The following COL26A1 variants were observed in gnomAD, a reference collection of about 807,000 sequenced individuals.
COL26A1 encodes the protein collagen alpha-1(XXVI) chain.
A neutral mutation model predicts 59.3 loss-of-function variants in COL26A1; 41 were observed. The observed-to-expected ratio is 0.69, with a 90% confidence interval of 0.54 to 0.90. The LOEUF (loss-of-function observed/expected upper bound fraction) is 0.90, where lower values mean the gene tolerates loss of function less well. Ranked by LOEUF, COL26A1 falls within the 40% of genes least tolerant of loss-of-function variation. The pLI, the probability that COL26A1 is intolerant of heterozygous loss-of-function variation, is 0.00. For synonymous variants in COL26A1, 266 were observed against 256.0 expected, an observed-to-expected ratio of 1.04 and a Z score of -0.37; for missense variants, 612 against 602.3, an observed-to-expected ratio of 1.02 and a Z score of -0.17.
chr7:101,417,653 CATAGAT>C (rs1247469748), intron 1 of COL26A1, among the ~76,000 whole-genome samples: 2 of 37,648 alleles, frequency 5.3e-5, no homozygotes, highest in African/African-American at 8.9e-5. Context: ...TATATCTAGA[CATAGAT>C]ATAGAGATAT....
intron 1 of COL26A1, among the ~76,000 whole-genome samples, chr7:101,398,649 G>A (rs1318068267): frequency 3.3e-5 from 5 of 152,192 alleles, no homozygotes; most frequent in Non-Finnish European, 5.9e-5. Flanking sequence ...TTTGCACCAA[G>A]GGCAAATGTG....
intron 3 of COL26A1, among the ~76,000 whole-genome samples, chr7:101,495,141 G>A (rs769937739): frequency 6.6e-5 from 10 of 152,160 alleles, no homozygotes; most frequent in Non-Finnish European, 1.2e-4. Flanking sequence ...CAGGGGGATC[G>A]GTGCCCCCCT....
chr7:101,382,189 C>G (rs1257783822), intron 1 of COL26A1, among the ~76,000 whole-genome samples: 1 of 152,090 alleles, frequency 6.6e-6, no homozygotes, highest in Non-Finnish European at 1.5e-5. Context: ...GCTGGGACTG[C>G]AGGTGCATGC....
intron 3 of COL26A1, among the ~76,000 whole-genome samples, chr7:101,526,183 G>A (rs1160086226): frequency 1.3e-5 from 2 of 151,872 alleles, no homozygotes; most frequent in Non-Finnish European, 2.9e-5. Flanking sequence ...CGAGTAGTTG[G>A]GATTACAGGT....
chr7:101,390,694 A>G (rs1457382404), intron 1 of COL26A1, among the ~76,000 whole-genome samples: 1 of 152,162 alleles, frequency 6.6e-6, no homozygotes, highest in Non-Finnish European at 1.5e-5. Flanking sequence ...CAAAGCATTC[A>G]GATTACAGAT....
In COL26A1 at chr7:101,537,979, C is replaced by G. The variant is rs375922769; in HGVS notation, c.448-1914C>G. ...CCCAAGCCTGCCCCTCTCCCGTGCC[C>G]TTGTTCGACTGGGGGCATTTCTACT... On this transcript the variant is annotated intron_variant, in intron 4 of 12. Transcript: ENST00000313669. 5.5e-4 allele frequency among the ~76,000 whole-genome samples: 83 copies of G among 152,200 alleles called. No homozygotes were observed. In the East Asian group the frequency reaches 0.011, roughly 21 times the overall value.
intron 3 of COL26A1, among the ~76,000 whole-genome samples, chr7:101,517,792 C>T (rs1795060089): frequency 6.8e-6 from 1 of 147,950 alleles, no homozygotes; most frequent in Admixed American, 6.8e-5. Flanking sequence ...CTTCCCTTCT[C>T]CCCGCATTTT....
At chr7:101,542,559 C>T (rs1378945068) in intron 5 of COL26A1, among the ~76,000 whole-genome samples, 2 of 152,154 alleles carry the variant, frequency 1.3e-5, no homozygotes, top group Non-Finnish European at 2.9e-5. Flanking sequence ...CCTTAGAGCC[C>T]TTTGGAGGGG....
At chr7:101,448,161 G>A (rs1793246499) in intron 3 of COL26A1, among the ~76,000 whole-genome samples, 1 of 152,242 alleles carries the variant, frequency 6.6e-6, no homozygotes, top group Admixed American at 6.5e-5. Flanking sequence ...AGCAAATGCG[G>A]ATGAGGTCCC....
intron 1 of COL26A1, among the ~76,000 whole-genome samples, chr7:101,364,879 T>C (rs1455656377): frequency 6.6e-6 from 1 of 152,162 alleles, no homozygotes; most frequent in Non-Finnish European, 1.5e-5. Context: ...CCAGATCTGG[T>C]GTTTTCTAGC....
At chr7:101,391,755 A>G (rs1031835997) in intron 1 of COL26A1, among the ~76,000 whole-genome samples, 2 of 152,138 alleles carry the variant, frequency 1.3e-5, no homozygotes, top group African/African-American at 4.8e-5. Flanking sequence ...GGGTATCACC[A>G]TGTCAGTCAG....
chr7:101,556,749 GATGA>G (rs981117421), intron 12 of COL26A1, among the ~76,000 whole-genome samples: 2 of 152,024 alleles, frequency 1.3e-5, no homozygotes, highest in African/African-American at 4.8e-5. Context: ...TAGATGCATG[GATGA>G]ATGAATGAAT....
chr7:101,422,183 G>A (rs1792538291), intron 2 of COL26A1, among the ~76,000 whole-genome samples: 1 of 151,888 alleles, frequency 6.6e-6, no homozygotes, highest in Non-Finnish European at 1.5e-5. Flanking sequence ...GTGGTGGTGG[G>A]CACCTGTGAT....
chr7:101,473,031 A>G (rs1584438828), intron 3 of COL26A1, among the ~76,000 whole-genome samples: 1 of 149,690 alleles, frequency 6.7e-6, no homozygotes, highest in South Asian at 2.1e-4. Flanking sequence ...AATTGCCTAT[A>G]TGTTTATCTT....
intron 2 of COL26A1, among the ~76,000 whole-genome samples, chr7:101,433,430 G>A (rs1310514513): frequency 1.3e-5 from 2 of 152,248 alleles, no homozygotes; most frequent in African/African-American, 2.4e-5. Flanking sequence ...AGCCTTACAG[G>A]TGGGGCTTAG....
intron 3 of COL26A1, among the ~76,000 whole-genome samples, chr7:101,487,827 A>C (rs1239560914): frequency 6.6e-6 from 1 of 152,100 alleles, no homozygotes; most frequent in Non-Finnish European, 1.5e-5. Flanking sequence ...CCCCACCACA[A>C]CACTGATTTT....
chr7:101,377,627 A>G, intron 1 of COL26A1, among the ~76,000 whole-genome samples: 1 of 151,828 alleles, frequency 6.6e-6, no homozygotes, highest in South Asian at 2.1e-4. Context: ...GGGTCTTGCA[A>G]CGTTGCCCAA....
chr7:101,480,741 G>A (rs973845590), intron 3 of COL26A1, among the ~76,000 whole-genome samples: 6 of 152,248 alleles, frequency 3.9e-5, no homozygotes, highest in South Asian at 4.1e-4. Flanking sequence ...GGGCTCAAGC[G>A]ATCCTCCCGC....
intron 3 of COL26A1, among the ~76,000 whole-genome samples, chr7:101,481,456 AT>A (rs957707548): frequency 5.4e-5 from 8 of 148,752 alleles, no homozygotes. Flanking sequence ...AAATATATAT[AT>A]ATATATATAT....
Sources: allele counts gnomAD v4.1 joint callset (sites outside exome capture counted in the v4.1 genomes callset), GRCh38; gene constraint gnomAD v4.1.1; transcripts MANE v1.5; gene names NCBI Gene and HGNC (gene_info 2026-07-23, HGNC 2026-07-21).